The following IL1RN variants were observed in gnomAD, a reference collection of about 807,000 sequenced individuals.
The protein encoded by IL1RN is interleukin-1 receptor antagonist protein.
A neutral mutation model predicts 13.7 loss-of-function variants in IL1RN; 10 were observed. The ratio of observed to expected loss-of-function variants is 0.73; its 90% confidence interval spans 0.45 to 1.24. The LOEUF is 1.24. Ranked by LOEUF, IL1RN falls within the 50% of genes most tolerant of loss-of-function variation. The probability of loss-of-function intolerance (pLI) is 0.00; values close to 1 mark genes in which losing one functional copy is unlikely to be tolerated. For synonymous variants in IL1RN, 102 were observed against 82.7 expected (o/e 1.23, Z -1.27); for missense variants, 213 against 222.1 (o/e 0.96, Z 0.26).
chr2:113,126,902 T>C (rs1013466313), upstream of IL1RN, among the ~76,000 whole-genome samples: 3 of 152,140 alleles, frequency 2.0e-5, no homozygotes, highest in African/African-American at 4.8e-5. Flanking sequence ...AGATGTAAGA[T>C]AGTGGGAAAA....
chr2:113,120,443 C>A (rs1449256713), intron 2 of IL1RN, among the ~76,000 whole-genome samples: 1 of 152,084 alleles, frequency 6.6e-6, no homozygotes, highest in East Asian at 1.9e-4. Flanking sequence ...TGGCAGGGTA[C>A]AATTATAATC....
chr2:113,102,391 G>T (rs1412090622), upstream of IL1RN, among the ~76,000 whole-genome samples: 1 of 152,150 alleles, frequency 6.6e-6, no homozygotes, highest in East Asian at 1.9e-4. Context: ...TTCAAATACA[G>T]CCACACTGGG....
upstream of IL1RN, among the ~76,000 whole-genome samples, chr2:113,125,777 T>C (rs534252876): frequency 5.3e-5 from 8 of 152,336 alleles, no homozygotes; most frequent in East Asian, 1.5e-3. Context: ...TGCATCACCT[T>C]GAGTGAGTCA....
chr2:113,106,390 C>A (rs539540633), upstream of IL1RN, among the ~76,000 whole-genome samples: 1 of 152,296 alleles, frequency 6.6e-6, no homozygotes, highest in East Asian at 1.9e-4. Context: ...GATATGCATT[C>A]TTATCCTCAA....
In IL1RN at chr2:113,127,669, C is replaced by G. The variant is rs767074604; in HGVS notation, c.45C>G (p.Leu15=). 3 of 1,614,124 alleles carry G rather than the reference C, an allele frequency of 1.9e-6. No individual in the cohort carries two copies. The East Asian group carries it at 6.7e-5, about 36-fold the overall frequency. Residue 15 remains leucine, a synonymous_variant, in exon 1 of 4, where the codon CTC becomes CTG. Transcript: ENST00000409930. ...TCCGCAGTCACCTAATCACTCTCCTCCTCTTCCTGTTCCATTCAGAGACGA... is the reference window on the plus strand; with the variant it reads ...TCCGCAGTCACCTAATCACTCTCCTGCTCTTCCTGTTCCATTCAGAGACGA... The part of the protein sequence containing the change: ...RGLRSHLITL[L]LFLFHSETIC...
upstream of IL1RN, among the ~76,000 whole-genome samples, chr2:113,114,229 T>G (rs17486819): frequency 0.07 from 10,674 of 152,250 alleles, 469 homozygotes; most frequent in Non-Finnish European, 0.08. Context: ...TGTTTGCTTG[T>G]TCTTCTCTCT....
upstream of IL1RN, among the ~76,000 whole-genome samples, chr2:113,108,280 T>G (rs1686417812): frequency 1.3e-5 from 2 of 152,122 alleles, no homozygotes; most frequent in Non-Finnish European, 2.9e-5. Context: ...ATTATTATAC[T>G]TTAAGTTTTA....
upstream of IL1RN, chr2:113,127,455 T>C (rs1687000241): frequency 7.1e-7 from 1 of 1,409,862 alleles, no homozygotes; most frequent in Non-Finnish European, 9.2e-7. Flanking sequence ...CTTAGTGGGG[T>C]TGAAAGTGAC....
intron 2 of IL1RN, among the ~76,000 whole-genome samples, chr2:113,130,498 A>G (rs969045572): frequency 3.3e-5 from 5 of 152,246 alleles, no homozygotes; most frequent in Admixed American, 6.5e-5. Context: ...CCTGCCCCTC[A>G]GCAACACTCC....
chr2:113,132,593 A>T, intron 3 of IL1RN, 63 bp from the exon 4 acceptor site: 1 of 1,440,054 alleles, frequency 6.9e-7, no homozygotes, highest in Non-Finnish European at 9.8e-7. Flanking sequence ...CGTGGAGTGG[A>T]GAGGGAGGCA....
At chr2:113,102,866 C>A (rs149606191), upstream of IL1RN, among the ~76,000 whole-genome samples, 78 of 152,272 alleles carry the variant, frequency 5.1e-4, no homozygotes, top group African/African-American at 1.9e-3. Context: ...ATTTTCACTT[C>A]TTTTGTGATT....
upstream of IL1RN, among the ~76,000 whole-genome samples, chr2:113,102,312 G>C (rs367987890): frequency 1.8e-3 from 280 of 152,268 alleles, 3 homozygotes; most frequent in African/African-American, 5.9e-3. Context: ...CTTCTTATAA[G>C]GACACCAATT....
upstream of IL1RN, chr2:113,115,370 G>C (rs764318187): frequency 2.0e-5 from 3 of 152,066 alleles, no homozygotes; most frequent in Non-Finnish European, 4.4e-5. Flanking sequence ...TCTCCTGCTA[G>C]AGGGCTTCAC....
chr2:113,118,315 G>A (rs4252038), intron 1 of IL1RN, among the ~76,000 whole-genome samples: 38 of 152,264 alleles, frequency 2.5e-4, no homozygotes, highest in Non-Finnish European at 4.9e-4. Flanking sequence ...GGAGTGTGAG[G>A]GTCATTTTCC....
intron 2 of IL1RN, among the ~76,000 whole-genome samples, chr2:113,120,860 A>G (rs1454821305): frequency 6.6e-6 from 1 of 152,226 alleles, no homozygotes; most frequent in Admixed American, 6.5e-5. Context: ...TGGCCTCTTT[A>G]GGAGGACTGT....
intron 1 of IL1RN, among the ~76,000 whole-genome samples, chr2:113,111,807 A>G (rs1368959321): frequency 2.0e-5 from 3 of 152,272 alleles, no homozygotes; most frequent in Non-Finnish European, 2.9e-5. Context: ...TGCACACACA[A>G]AAACCATCCT....
At chr2:113,127,518 G>A (rs545407993), upstream of IL1RN, 32 of 1,490,280 alleles carry the variant, frequency 2.1e-5, no homozygotes, top group South Asian at 1.4e-4. Context: ...TCCGCTTCTC[G>A]CAGTGGGGCA....
chr2:113,102,542 G>C (rs1190638495), upstream of IL1RN, among the ~76,000 whole-genome samples: 1 of 152,202 alleles, frequency 6.6e-6, no homozygotes, highest in African/African-American at 2.4e-5. Flanking sequence ...ACGTGCGTCT[G>C]TGTGAAAAGA....
chr2:113,118,408 T>G (rs1461065052), intron 1 of IL1RN, among the ~76,000 whole-genome samples: 1 of 152,156 alleles, frequency 6.6e-6, no homozygotes, highest in Non-Finnish European at 1.5e-5. Flanking sequence ...GAAATACTAA[T>G]AGAATGTGGC....
Sources: gnomAD v4.1 joint callset for allele counts (sites outside exome capture counted in the v4.1 genomes callset) on GRCh38, gnomAD v4.1.1 for gene constraint, MANE v1.5 for transcripts, NCBI Gene and HGNC (gene_info 2026-07-23, HGNC 2026-07-21) for gene names.